The following CHRDL1 variants were observed in gnomAD, a reference collection of about 807,000 sequenced individuals.
CHRDL1 encodes the protein chordin like 1.
A neutral mutation model predicts 40.9 loss-of-function variants in CHRDL1; 19 were observed. That is an observed-to-expected ratio of 0.46 (90% CI 0.32 to 0.68). The LOEUF is 0.68. Ranked by LOEUF, CHRDL1 falls within the 30% of genes least tolerant of loss-of-function variation. CHRDL1 has a pLI of 0.03. For missense variants in CHRDL1, 329 were observed against 352.1 expected (o/e 0.93, Z 0.53); for synonymous variants, 136 against 123.4 (o/e 1.10, Z -0.68).
chrX:110,739,185 G>C (rs1253689142), intron 4 of CHRDL1, among the ~76,000 whole-genome samples: 2 of 112,141 alleles, frequency 1.8e-5, no homozygotes, highest in Non-Finnish European at 3.8e-5. Context: ...TCAATATTGA[G>C]AGTATGTTGA....
chrX:110,763,560 C>T (rs865840554), intron 2 of CHRDL1, among the ~76,000 whole-genome samples: 2 of 99,274 alleles, frequency 2.0e-5, no homozygotes, highest in Admixed American at 1.1e-4. Context: ...TATATATATA[C>T]ACACACATAC....
Position 110,688,763 on chromosome X carries a change from G to C in CHRDL1, c.819C>G (p.Ser273=). Reference sequence around the variant, plus strand: ...CAAATGCCCGGAGGTTTGGGTGCCAGGACTCGCCATGAGAATAGGTCTTTC... The same window carrying C: ...CAAATGCCCGGAGGTTTGGGTGCCACGACTCGCCATGAGAATAGGTCTTTC... ...SNGKTYSHGE[S]WHPNLRAFGI... is the part of the protein sequence containing the mutation. The change falls in exon 9 of 12, where the codon TCC becomes TCG. Residue 273 remains serine (S), a synonymous_variant. Coordinates refer to ENST00000372042, the MANE Select transcript of CHRDL1 (RefSeq NM_001143981.2). 8.3e-7 allele frequency: 1 copy of C among 1,208,752 alleles called. No homozygotes were observed. The highest frequency in any genetic ancestry group is 1.8e-5 in the South Asian group (1 of 56,833).
intron 6 of CHRDL1, among the ~76,000 whole-genome samples, chrX:110,715,410 G>T (rs150843815): frequency 0.026 from 2,942 of 111,278 alleles, 96 homozygotes; most frequent in African/African-American, 0.09. Context: ...TATAGTAATT[G>T]TTACTTATAA....
chrX:110,711,052 G>A (rs1048760470), intron 6 of CHRDL1, among the ~76,000 whole-genome samples: 1 of 111,315 alleles, frequency 9.0e-6, no homozygotes, highest in Non-Finnish European at 1.9e-5. Flanking sequence ...ATAATCTCTA[G>A]ATTACTTATA....
intron 4 of CHRDL1, among the ~76,000 whole-genome samples, chrX:110,755,639 T>A (rs140097801): frequency 3.6e-4 from 40 of 112,055 alleles, no homozygotes; most frequent in Admixed American, 7.6e-4. Context: ...GTATCTGGGG[T>A]ATACAGTTTG....
Position 110,688,785 on chromosome X carries a change from T to C in CHRDL1, c.797A>G (p.Lys266Arg), listed in dbSNP as rs1187451473. The change falls in exon 9 of 12, where the codon AAG becomes AGG. Residue 266 changes from lysine to arginine, a missense_variant. Transcript: ENST00000372042. ...KHGQVCVSNG[K>R]TYSHGESWHP... ...CCAGGACTCGCCATGAGAATAGGTC[T>C]TTCCATTGGAAACACACACTGAAAG... The C allele has an allele frequency of 1.7e-6, 2 of 1,205,001 alleles. No individual in the cohort carries two copies. Among genetic ancestry groups the C allele is most frequent in the East Asian group, 3.0e-5 (1 of 33,761 alleles).
chrX:110,772,868 C>T (rs1283617804), intron 2 of CHRDL1, among the ~76,000 whole-genome samples: 1 of 112,214 alleles, frequency 8.9e-6, no homozygotes, highest in Non-Finnish European at 1.9e-5. Context: ...CTAAAATGAA[C>T]CTTAATCCAT....
At chrX:110,737,394 C>T (rs1176467299) in intron 4 of CHRDL1, among the ~76,000 whole-genome samples, 1 of 111,637 alleles carries the variant, frequency 9.0e-6, no homozygotes, top group Non-Finnish European at 1.9e-5. Flanking sequence ...AGTTAGCCAG[C>T]TCCTCTTCTC....
chrX:110,719,633 T>A (rs1018585254), intron 6 of CHRDL1, among the ~76,000 whole-genome samples: 1 of 89,401 alleles, frequency 1.1e-5, no homozygotes, highest in African/African-American at 5.4e-5. Flanking sequence ...CATCCTGTAG[T>A]TTTTTTTTTT....
intron 1 of CHRDL1, among the ~76,000 whole-genome samples, chrX:110,794,224 C>A (rs751202198): frequency 8.9e-6 from 1 of 111,889 alleles, no homozygotes; most frequent in African/African-American, 3.3e-5. Flanking sequence ...CATTGCTCAG[C>A]GAACTTAGCC....
chrX:110,714,317 C>T (rs1378089426), intron 6 of CHRDL1, among the ~76,000 whole-genome samples: 1 of 111,512 alleles, frequency 9.0e-6, no homozygotes, highest in Admixed American at 9.5e-5. Context: ...GCAGTATTCA[C>T]AATTCTGAAG....
chrX:110,728,221 A>G (rs2071092853), intron 4 of CHRDL1, among the ~76,000 whole-genome samples: 1 of 107,013 alleles, frequency 9.3e-6, no homozygotes, highest in African/African-American at 3.7e-5. Context: ...TAGGGAGAAG[A>G]TAAGAATTGG....
rs747577850 is a variant in CHRDL1, at chrX:110,793,575, G to A, written c.-34-1360C>T. Among the ~76,000 whole-genome samples the A allele has an allele frequency of 2.7e-5, 3 of 111,775 alleles. No homozygotes were observed. The Admixed American group carries it at 2.8e-4, about 11-fold the overall frequency. Reference sequence around the variant, plus strand: ...GTTACTGTCCCTTGAGGGCTACCACGTTTATTCGAAACAAATCATTTTCAT... The same window carrying A: ...GTTACTGTCCCTTGAGGGCTACCACATTTATTCGAAACAAATCATTTTCAT... On this transcript the variant is annotated intron_variant, in intron 1 of 11. Coordinates refer to ENST00000372042, the MANE Select transcript of CHRDL1 (RefSeq NM_001143981.2).
intron 6 of CHRDL1, among the ~76,000 whole-genome samples, chrX:110,719,288 T>A (rs1363816556): frequency 9.0e-6 from 1 of 111,378 alleles, no homozygotes; most frequent in African/African-American, 3.3e-5. Flanking sequence ...ATAAAAAAAA[T>A]AAAACCTAAA....
At chrX:110,696,315 T>C (rs902851856) in intron 7 of CHRDL1, among the ~76,000 whole-genome samples, 2 of 111,260 alleles carry the variant, frequency 1.8e-5, no homozygotes, top group African/African-American at 3.3e-5. Flanking sequence ...AAAATGATCA[T>C]GATGAAAAAA....
intron 6 of CHRDL1, among the ~76,000 whole-genome samples, chrX:110,714,510 T>C (rs753427402): frequency 5.4e-5 from 6 of 111,588 alleles, no homozygotes; most frequent in Non-Finnish European, 9.4e-5. Flanking sequence ...GATTTTTTCT[T>C]CTGATAAAAT....
rs563174108 is a variant in CHRDL1 at position 110,677,513 on chromosome X, T to C, written c.1247-1152A>G. Among the ~76,000 whole-genome samples the C allele has an allele frequency of 1.7e-4, 19 of 111,697 alleles. No homozygotes were observed. The South Asian group carries it at 6.8e-3, about 40-fold the overall frequency. ...CAAATCCTGCCATGGGCACAGAGTA[T>C]ATCTAAATCATCTTTTAAGTCCCCT... is the stretch of plus-strand genomic sequence containing the variant. On this transcript the variant is annotated intron_variant, in intron 11 of 11. Transcript: ENST00000372042.
At chrX:110,706,976 G>A (rs770378614) in intron 6 of CHRDL1, among the ~76,000 whole-genome samples, 2 of 111,855 alleles carry the variant, frequency 1.8e-5, no homozygotes, top group African/African-American at 6.5e-5. Context: ...AAGAGAGCAG[G>A]GAGGAATAAA....
intron 6 of CHRDL1, among the ~76,000 whole-genome samples, chrX:110,715,986 C>G (rs2070834621): frequency 8.9e-6 from 1 of 112,377 alleles, no homozygotes; most frequent in Non-Finnish European, 1.9e-5. Flanking sequence ...ATGGAAAGAT[C>G]CAGGGCCTTA....
Sources: gnomAD v4.1 joint callset for allele counts (sites outside exome capture counted in the v4.1 genomes callset) on GRCh38, gnomAD v4.1.1 for gene constraint, MANE v1.5 for transcripts, NCBI Gene and HGNC (gene_info 2026-07-23, HGNC 2026-07-21) for gene names.